ZSCAN4: variants seen among roughly 807,000 people sequenced by gnomAD.
ZSCAN4 encodes zinc finger and SCAN domain-containing protein 4.
Under a neutral mutation model 18.3 loss-of-function variants are expected in ZSCAN4, and 18 were observed. The observed-to-expected ratio is 0.98, with a 90% CI of 0.68 to 1.46. The LOEUF (loss-of-function observed/expected upper bound fraction) is 1.46. Ranked by LOEUF, ZSCAN4 falls within the 40% of genes most tolerant of loss-of-function variation. The pLI is 0.00. For missense variants in ZSCAN4, 498 were observed against 511.4 expected (o/e 0.97, Z 0.25); for synonymous variants, 193 against 180.3 (o/e 1.07, Z -0.57).
intron 3 of ZSCAN4, among the ~76,000 whole-genome samples, chr19:57,676,942 C>G (rs563373911): frequency 1.3e-5 from 2 of 152,274 alleles, no homozygotes; most frequent in African/African-American, 4.8e-5. Flanking sequence ...CCAAGGCCGG[C>G]TAATTTTTGT....
intron 2 of ZSCAN4, among the ~76,000 whole-genome samples, chr19:57,673,956 G>A (rs1984102168): frequency 6.6e-6 from 1 of 152,152 alleles, no homozygotes; most frequent in Non-Finnish European, 1.5e-5. Context: ...GTTTCGCCAT[G>A]TTGGCAAGGC....
chr19:57,655,899 G>A, the ZSCAN4 span, among the ~76,000 whole-genome samples: 60 of 152,026 alleles, frequency 3.9e-4, no homozygotes, highest in African/African-American at 1.3e-3. Flanking sequence ...CTACACCATC[G>A]TTGCCAAACA....
At chr19:57,676,084 A>C (rs921359128) in exon 3 of ZSCAN4, 5 of 1,489,782 alleles carry the variant, frequency 3.4e-6, no homozygotes, top group East Asian at 2.3e-5. Flanking sequence ...ACAAATCCCT[A>C]GAGACACAAG....
the ZSCAN4 span, among the ~76,000 whole-genome samples, chr19:57,657,677 C>A: frequency 6.6e-6 from 1 of 152,128 alleles, no homozygotes; most frequent in African/African-American, 2.4e-5. Context: ...TCCTCAGTAT[C>A]CATGGGGGAC....
upstream of ZSCAN4, chr19:57,664,682 C>A: frequency 4.6e-6 from 1 of 219,314 alleles, no homozygotes; most frequent in South Asian, 8.0e-5. Context: ...CCCCCTAAAT[C>A]GCTCAACAAG....
At chr19:57,673,702 C>G (rs367801697) in intron 2 of ZSCAN4, among the ~76,000 whole-genome samples, 8 of 152,216 alleles carry the variant, frequency 5.3e-5, no homozygotes, top group Admixed American at 3.3e-4. Context: ...CTGGCAACCA[C>G]CCTTCTACTC....
Position 57,678,282 on chromosome 19 carries a change from G to C in ZSCAN4, c.679G>C (p.Gly227Arg), listed in dbSNP as rs200305142. 1.5e-4 allele frequency: 241 copies of C among 1,614,118 alleles called. 1 individual carries two copies. The Middle Eastern group carries it at 2.8e-3, about 19-fold the overall frequency. ...CCTAATCATCATCCAGGAAGAGAAC[G>C]GTCCTAGGCCTGAAGAGGGAGGTGT... Residue 227 changes from glycine to arginine, a missense_variant, in exon 5 of 5, where the codon GGT (glycine) becomes CGT (arginine). Coordinates refer to ENST00000318203, the Ensembl canonical transcript of ZSCAN4.
chr19:57,654,380 C>A, the ZSCAN4 span, among the ~76,000 whole-genome samples: 1 of 152,152 alleles, frequency 6.6e-6, no homozygotes, highest in African/African-American at 2.4e-5. Context: ...CCTCTGTCAA[C>A]CCCAAGGTTT....
chr19:57,664,610 C>T (rs1314294627), upstream of ZSCAN4: 1 of 175,614 alleles, frequency 5.7e-6, no homozygotes, highest in African/African-American at 2.3e-5. Flanking sequence ...ACGGCTTCAT[C>T]TGACTCCAGG....
the ZSCAN4 span, among the ~76,000 whole-genome samples, chr19:57,657,293 CAAA>C: frequency 2.1e-5 from 2 of 95,024 alleles, no homozygotes; most frequent in African/African-American, 3.6e-5. Context: ...GACTCCATGT[CAAA>C]AAAAAAAAAA....
At chr19:57,662,621 G>C in the ZSCAN4 span, among the ~76,000 whole-genome samples, 1 of 152,134 alleles carries the variant, frequency 6.6e-6, no homozygotes, top group Non-Finnish European at 1.5e-5. Flanking sequence ...GAGTGCAGTG[G>C]CACAATGTCA....
the ZSCAN4 span, among the ~76,000 whole-genome samples, chr19:57,651,742 C>T: frequency 6.6e-6 from 1 of 152,168 alleles, no homozygotes; most frequent in Non-Finnish European, 1.5e-5. Flanking sequence ...CAGGTGAATT[C>T]CCAGATCCTA....
chr19:57,662,080 C>CA, the ZSCAN4 span, among the ~76,000 whole-genome samples: 111,961 of 139,454 alleles, frequency 0.8, 45,040 homozygotes, highest in South Asian at 0.87. Flanking sequence ...GACTCTGTCT[C>CA]AAAAAAAAAA....
the ZSCAN4 span, among the ~76,000 whole-genome samples, chr19:57,658,666 C>T: frequency 2.0e-5 from 3 of 151,590 alleles, no homozygotes; most frequent in African/African-American, 7.3e-5. Context: ...AAACCCCGTC[C>T]CTACTAAAAA....
chr19:57,661,864 C>G, the ZSCAN4 span, among the ~76,000 whole-genome samples: 1 of 152,034 alleles, frequency 6.6e-6, no homozygotes. Context: ...GGCAGAAAAT[C>G]TGAGGTCAGG....
chr19:57,673,026 T>C (rs1410718425), intron 2 of ZSCAN4, among the ~76,000 whole-genome samples: 1 of 152,078 alleles, frequency 6.6e-6, no homozygotes, highest in East Asian at 1.9e-4. Context: ...GAGAAGGACA[T>C]GGTGACATTT....
intron 2 of ZSCAN4, 146 bp downstream of exon 2, chr19:57,670,713 A>G (rs186010185): frequency 1.3e-5 from 2 of 152,316 alleles, no homozygotes; most frequent in African/African-American, 4.8e-5. Flanking sequence ...TCCTAACTAC[A>G]GAGATATGGG....
intron 2 of ZSCAN4, among the ~76,000 whole-genome samples, chr19:57,673,713 TCA>T (rs746725169): frequency 5.9e-5 from 9 of 152,128 alleles, no homozygotes; most frequent in Non-Finnish European, 8.8e-5. Flanking sequence ...CCTTCTACTC[TCA>T]GTTTCTAATA....
chr19:57,673,098 G>A (rs1984072590), intron 2 of ZSCAN4, among the ~76,000 whole-genome samples: 1 of 151,822 alleles, frequency 6.6e-6, no homozygotes, highest in African/African-American at 2.4e-5. Flanking sequence ...GCCCAGGCTG[G>A]AGTGCAGTGG....
Sources: gnomAD v4.1 joint callset for allele counts (sites outside exome capture counted in the v4.1 genomes callset) on GRCh38, gnomAD v4.1.1 for gene constraint, MANE v1.5 for transcripts, NCBI Gene and HGNC (gene_info 2026-07-23, HGNC 2026-07-21) for gene names.